Variants in PCDHA5 observed in about 807,000 individuals in gnomAD.
PCDHA5 encodes protocadherin alpha 5.
PCDHA5 carries 43 observed loss-of-function variants against 61.6 expected under a neutral mutation model. The ratio of observed to expected loss-of-function variants is 0.70; its 90% CI spans 0.55 to 0.90. The LOEUF (loss-of-function observed/expected upper bound fraction) is 0.90, where lower values mean the gene tolerates loss of function less well. PCDHA5 is among the 40% of genes least tolerant of loss of function. The pLI is 0.00. For synonymous variants in PCDHA5, 627 were observed against 543.9 expected (o/e 1.15, Z -2.13); for missense variants, 1,298 against 1,222.7 (o/e 1.06, Z -0.92).
intron 1 of PCDHA5, among the ~76,000 whole-genome samples, chr5:140,910,488 A>G (rs1195141583): frequency 2.0e-5 from 3 of 152,232 alleles, no homozygotes; most frequent in African/African-American, 7.2e-5. Flanking sequence ...CATACAGAGA[A>G]GAGCAATCAC....
intron 1 of PCDHA5, among the ~76,000 whole-genome samples, chr5:140,970,860 C>T (rs2096438853): frequency 6.6e-6 from 1 of 152,054 alleles, no homozygotes; most frequent in Non-Finnish European, 1.5e-5. Context: ...AAGTTCCATT[C>T]CTGATTGAGA....
intron 1 of PCDHA5, chr5:140,968,901 T>A (rs1321022294): frequency 6.2e-7 from 1 of 1,614,106 alleles, no homozygotes; most frequent in Non-Finnish European, 8.5e-7. Flanking sequence ...ATAATAGCAT[T>A]AAGCACAGTG....
intron 1 of PCDHA5, chr5:140,862,442 C>A: frequency 2.8e-6 from 1 of 361,562 alleles, no homozygotes. Flanking sequence ...CGTTGGTACT[C>A]CACAGCGCCC....
At chr5:140,829,609 C>T (rs1562309230) in intron 1 of PCDHA5, 3 of 1,612,110 alleles carry the variant, frequency 1.9e-6, no homozygotes, top group Non-Finnish European at 2.5e-6. Flanking sequence ...CGTTGTCGAG[C>T]TACATTTCGG....
chr5:140,926,068 G>A (rs2082901302), intron 1 of PCDHA5, among the ~76,000 whole-genome samples: 1 of 152,168 alleles, frequency 6.6e-6, no homozygotes, highest in African/African-American at 2.4e-5. Context: ...CCTCCTTGTC[G>A]TCTCTATTGC....
intron 1 of PCDHA5, chr5:140,967,329 G>A: frequency 6.2e-7 from 1 of 1,608,212 alleles, no homozygotes; most frequent in Non-Finnish European, 8.5e-7. Flanking sequence ...TACGAGCTCA[G>A]CCCCAGCGAG....
chr5:140,945,079 T>C (rs1554216701), intron 1 of PCDHA5, among the ~76,000 whole-genome samples: 1 of 152,126 alleles, frequency 6.6e-6, no homozygotes, highest in South Asian at 2.1e-4. Context: ...ACCAAAACAC[T>C]CTTGGAACTA....
chr5:140,875,172 C>A (rs999085761), intron 1 of PCDHA5: 1 of 386,866 alleles, frequency 2.6e-6, no homozygotes. Context: ...AAAGTCGAAA[C>A]ATTAGAATTA....
chr5:140,876,456 TTCC>T, intron 1 of PCDHA5: 1 of 1,614,050 alleles, frequency 6.2e-7, no homozygotes, highest in Non-Finnish European at 8.5e-7. Flanking sequence ...AAGGGATTCC[TTCC>T]ATGGCAGGTC....
Position 140,945,638 on chromosome 5 carries a change from A to G in PCDHA5, c.2353-33311A>G, listed in dbSNP as rs187448798. ...CATGGTACTGGCATAAAAGACATGTAGACCAATGGAGCAGAATACAGCTCC... is the reference window on the plus strand; with the variant it reads ...CATGGTACTGGCATAAAAGACATGTGGACCAATGGAGCAGAATACAGCTCC... On this transcript the variant is annotated intron_variant, in intron 1 of 3. Transcript: ENST00000529859. 2.6e-5 allele frequency among the ~76,000 whole-genome samples: 4 copies of G among 152,300 alleles called. No homozygotes were observed. The East Asian group carries it at 5.8e-4, about 22-fold the overall frequency.
chr5:140,863,186 TG>T, intron 1 of PCDHA5: 1 of 771,164 alleles, frequency 1.3e-6, no homozygotes, highest in Non-Finnish European at 2.2e-6. Flanking sequence ...ACCGTCACCG[TG>T]GTGGCGTCGC....
rs781852534 is a variant in PCDHA5, at chr5:140,982,552, G to T, written c.2489G>T (p.Ser830Ile). 1 of 1,614,168 alleles carries T rather than the reference G, an allele frequency of 6.2e-7. No individual in the cohort carries two copies. The highest frequency in any genetic ancestry group is 2.2e-5 in the East Asian group (1 of 44,892). ...GATCAGCAGTGGCCAACAGTATCCAGTGCAACACCAGGTAAAGAGCTGGGG... is the reference window on the plus strand; with the variant it reads ...GATCAGCAGTGGCCAACAGTATCCATTGCAACACCAGGTAAAGAGCTGGGG... The part of the protein sequence containing the change: ...GPDQQWPTVS[S>I]ATPEPEAGEV... Residue 830 changes from serine (S) to isoleucine (I), a missense_variant, in exon 3 of 4, where the codon AGT (serine) becomes ATT (isoleucine). Physicochemically the swap from Ser to Ile is moderately radical, Grantham distance 142. Coordinates refer to ENST00000529859, the MANE Select transcript of PCDHA5 (RefSeq NM_018908.3).
At chr5:140,906,719 T>C (rs1282384270) in intron 1 of PCDHA5, among the ~76,000 whole-genome samples, 1 of 152,218 alleles carries the variant, frequency 6.6e-6, no homozygotes, top group East Asian at 1.9e-4. Flanking sequence ...GCCTGGATTG[T>C]GCTGTTGTAG....
At chr5:140,862,766 A>T (rs781899169) in intron 1 of PCDHA5, 1 of 576,266 alleles carries the variant, frequency 1.7e-6, no homozygotes, top group Non-Finnish European at 3.3e-6. Context: ...GGCAAGAGGT[A>T]CGCGTTGCAG....
intron 1 of PCDHA5, among the ~76,000 whole-genome samples, chr5:140,897,495 A>G (rs1208374175): frequency 1.2e-4 from 19 of 152,006 alleles, no homozygotes; most frequent in Admixed American, 9.8e-4. Flanking sequence ...AATTTCAACC[A>G]TGTCCCTACA....
At chr5:140,877,299 C>G (rs374061607) in intron 1 of PCDHA5, 2 of 1,613,924 alleles carry the variant, frequency 1.2e-6, no homozygotes, top group Admixed American at 1.7e-5. Context: ...GGCTGTCCTA[C>G]GAGTTGCAAC....
chr5:140,997,071 A>G lies in PCDHA5; in HGVS notation c.2501-12556A>G, dbSNP rs554920320. Among the ~76,000 whole-genome samples, 444 of 152,266 alleles carry G rather than the reference A, an allele frequency of 2.9e-3. 5 individuals carry two copies. Among genetic ancestry groups the G allele is most frequent in the Non-Finnish European group, 4.4e-3 (297 of 68,014 alleles). Reference sequence around the variant, plus strand: ...TTTAGAGCAGTTTTAGGTTCACAGGAAAGTTGAGTAGAAAGTGCAGAGTTC... The same window carrying G: ...TTTAGAGCAGTTTTAGGTTCACAGGGAAGTTGAGTAGAAAGTGCAGAGTTC... On this transcript the variant is annotated intron_variant, in intron 3 of 3. Coordinates refer to ENST00000529859, the MANE Select transcript of PCDHA5 (RefSeq NM_018908.3).
chr5:140,841,274 C>G, intron 1 of PCDHA5: 28 of 1,518,248 alleles, frequency 1.8e-5, no homozygotes, highest in Non-Finnish European at 1.7e-5. Flanking sequence ...TACAGTCGTT[C>G]ATCTTTATAT....
intron 3 of PCDHA5, among the ~76,000 whole-genome samples, chr5:141,000,248 C>T (rs1027764843): frequency 2.6e-5 from 4 of 151,280 alleles, no homozygotes; most frequent in Non-Finnish European, 4.4e-5. Context: ...GTGGCTGACA[C>T]CTGTGATCCT....
Sources: allele counts gnomAD v4.1 joint callset (sites outside exome capture counted in the v4.1 genomes callset), GRCh38; gene constraint gnomAD v4.1.1; transcripts MANE v1.5; gene names NCBI Gene and HGNC (gene_info 2026-07-23, HGNC 2026-07-21).